Variants in TLL2 observed in about 807,000 individuals in gnomAD.
TLL2 encodes tolloid-like protein 2.
Under a neutral mutation model 123.0 loss-of-function variants are expected in TLL2, and 106 were observed. The ratio of observed to expected loss-of-function variants is 0.86; its 90% CI spans 0.74 to 1.01. The LOEUF (loss-of-function observed/expected upper bound fraction) is 1.01, where lower values mean the gene tolerates loss of function less well. TLL2 is among the 50% of genes least tolerant of loss of function. TLL2 has a pLI of 0.00. For missense variants in TLL2, 1,332 were observed against 1,336.7 expected, an observed-to-expected ratio of 1.00 and a Z score of 0.06; for synonymous variants, 494 against 516.8, an observed-to-expected ratio of 0.96 and a Z score of 0.60.
intron 2 of TLL2, among the ~76,000 whole-genome samples, chr10:96,463,189 C>T (rs554441834): frequency 1.7e-4 from 26 of 152,296 alleles, no homozygotes; most frequent in Non-Finnish European, 1.5e-5. Context: ...CAAGGACCCC[C>T]ATGTGGTTCC....
intron 16 of TLL2, among the ~76,000 whole-genome samples, chr10:96,383,600 C>T (rs1009709409): frequency 2.0e-5 from 3 of 150,628 alleles, no homozygotes; most frequent in Non-Finnish European, 3.0e-5. Flanking sequence ...GTCCATTAAA[C>T]CTCTTTTTCT....
intron 1 of TLL2, among the ~76,000 whole-genome samples, chr10:96,494,866 C>T (rs1390696329): frequency 2.0e-5 from 3 of 152,140 alleles, no homozygotes. Context: ...TCCCCAGGCC[C>T]CAACCCAGAT....
chr10:96,395,077 C>A, intron 13 of TLL2, 110 bp downstream of exon 13: 1 of 1,186,100 alleles, frequency 8.4e-7, no homozygotes, highest in South Asian at 1.6e-5. Context: ...CTTTTCTCTG[C>A]AGGGAGCCTT....
At chr10:96,441,291 G>A (rs962237158) in intron 3 of TLL2, among the ~76,000 whole-genome samples, 1 of 152,232 alleles carries the variant, frequency 6.6e-6, no homozygotes, top group African/African-American at 2.4e-5. Context: ...CCCCAAAGGT[G>A]ATGGGTGAAT....
chr10:96,390,818 C>G lies in TLL2; in HGVS notation c.1727-3740G>C, dbSNP rs74153653. 2.2e-3 allele frequency among the ~76,000 whole-genome samples: 333 copies of G among 152,344 alleles called. 1 individual carries two copies. The highest frequency in any genetic ancestry group is 7.5e-3 in the African/African-American group (312 of 41,588). ...GGCAGCCCCCAGCCACATGTGGCTA[C>G]TGAGCACCTGAAACGCAGTTGGTCC... On this transcript the variant is annotated intron_variant, in intron 13 of 20. Coordinates refer to ENST00000357947, the MANE Select transcript of TLL2 (RefSeq NM_012465.4).
At chr10:96,439,577 G>A (rs945613279) in intron 3 of TLL2, among the ~76,000 whole-genome samples, 4 of 151,996 alleles carry the variant, frequency 2.6e-5, no homozygotes, top group Non-Finnish European at 4.4e-5. Flanking sequence ...TTCCTTATTC[G>A]CTTCTGATCA....
In TLL2 at chr10:96,450,158, C is replaced by CATGGATGG. The variant is rs3033656; in HGVS notation, c.287-3998_287-3991dup. 3.8e-3 allele frequency among the ~76,000 whole-genome samples: 576 copies of CATGGATGG among 150,782 alleles called. 2 individuals carry two copies. Among genetic ancestry groups the CATGGATGG allele is most frequent in the African/African-American group, 0.01 (421 of 40,904 alleles). On this transcript the variant is annotated intron_variant, in intron 2 of 20. Transcript: ENST00000357947. ...GGATGGGTAGGTGGGTGAATGAATG[C>CATGGATGG]ATGGATGGATGGATGGATGGATGGA...
At chr10:96,513,151 C>T (rs1847648227) in intron 1 of TLL2, among the ~76,000 whole-genome samples, 1 of 152,182 alleles carries the variant, frequency 6.6e-6, no homozygotes, top group Non-Finnish European at 1.5e-5. Flanking sequence ...CCCAGTCCAG[C>T]TCTTCTGCTC....
intron 4 of TLL2, among the ~76,000 whole-genome samples, chr10:96,431,533 G>A (rs1382827290): frequency 3.3e-5 from 5 of 152,078 alleles, no homozygotes; most frequent in Non-Finnish European, 5.9e-5. Flanking sequence ...AAAGTCTCTC[G>A]GTATGGCTTG....
intron 2 of TLL2, among the ~76,000 whole-genome samples, chr10:96,462,359 A>G (rs899023829): frequency 1.3e-5 from 2 of 152,222 alleles, no homozygotes; most frequent in South Asian, 4.1e-4. Context: ...TCCTGCAGAA[A>G]TAAGACACTG....
chr10:96,493,196 A>T (rs1182625035), intron 1 of TLL2, among the ~76,000 whole-genome samples: 1 of 152,146 alleles, frequency 6.6e-6, no homozygotes, highest in Non-Finnish European at 1.5e-5. Flanking sequence ...AGGCACAGAG[A>T]GATTTAGGCA....
At chr10:96,404,371 T>A (rs1398427597) in intron 10 of TLL2, among the ~76,000 whole-genome samples, 2 of 152,114 alleles carry the variant, frequency 1.3e-5, no homozygotes, top group African/African-American at 4.8e-5. Context: ...CCTGTTCATC[T>A]CACCAAAACA....
Position 96,390,378 on chromosome 10 carries a change from G to T in TLL2, c.1727-3300C>A, listed in dbSNP as rs573673428. On this transcript the variant is annotated intron_variant, in intron 13 of 20. Coordinates refer to ENST00000357947, the MANE Select transcript of TLL2 (RefSeq NM_012465.4). ...GTGGGAAATCTTTAATTCTTTATGT[G>T]GGGGGCATAGGACCAAAATGGCCCT... Among the ~76,000 whole-genome samples, 5 of 152,284 alleles carry T rather than the reference G, an allele frequency of 3.3e-5. No homozygotes were observed. In the South Asian group the frequency reaches 1.0e-3, roughly 32 times the overall value.
intron 4 of TLL2, among the ~76,000 whole-genome samples, chr10:96,429,339 TTTTA>T (rs1476298738): frequency 5.6e-5 from 8 of 143,556 alleles, no homozygotes; most frequent in Non-Finnish European, 9.1e-5. Context: ...TATATACAAT[TTTTA>T]TTTGTCAATT....
intron 1 of TLL2, among the ~76,000 whole-genome samples, chr10:96,511,103 T>C (rs560437203): frequency 6.6e-6 from 1 of 152,300 alleles, no homozygotes; most frequent in South Asian, 2.1e-4. Context: ...GGAGGTGTTT[T>C]AGCTTTGCAG....
chr10:96,445,083 G>C (rs1846885196), intron 3 of TLL2, among the ~76,000 whole-genome samples: 1 of 152,194 alleles, frequency 6.6e-6, no homozygotes, highest in South Asian at 2.1e-4. Context: ...CAGCTACTCG[G>C]GAGGCTGAGG....
chr10:96,380,002 C>T (rs543656760), intron 16 of TLL2, among the ~76,000 whole-genome samples: 4 of 152,354 alleles, frequency 2.6e-5, no homozygotes, highest in Admixed American at 1.3e-4. Flanking sequence ...CCAGCCCTAC[C>T]GCACCACTTC....
At position 96,399,925 on chromosome 10, in the gene TLL2, G is replaced by A. The variant is rs552552717; in HGVS notation, c.1268-2623C>T. On this transcript the variant is annotated intron_variant, in intron 10 of 20. Coordinates refer to ENST00000357947, the MANE Select transcript of TLL2 (RefSeq NM_012465.4). ...GACAGCCTGTCTCTGCTGAGTACTC[G>A]GCAGGAGGCAGGAATTGCAGCCTGA... Among the ~76,000 whole-genome samples, 3 of 152,296 alleles carry A rather than the reference G, an allele frequency of 2.0e-5. No individual in the cohort carries two copies. In the East Asian group the frequency reaches 5.8e-4, roughly 29 times the overall value.
At chr10:96,391,396 G>T (rs897824575) in intron 13 of TLL2, among the ~76,000 whole-genome samples, 2 of 152,192 alleles carry the variant, frequency 1.3e-5, no homozygotes, top group Non-Finnish European at 2.9e-5. Flanking sequence ...GCCACGTCCA[G>T]AGCCCTTTTG....
Sources: gnomAD v4.1 joint callset for allele counts (sites outside exome capture counted in the v4.1 genomes callset) on GRCh38, gnomAD v4.1.1 for gene constraint, MANE v1.5 for transcripts, NCBI Gene and HGNC (gene_info 2026-07-23, HGNC 2026-07-21) for gene names.